The following ASB6 variants were observed in gnomAD, a reference collection of about 807,000 sequenced individuals.
The protein encoded by ASB6 is ankyrin repeat and SOCS box containing 6.
ASB6 carries 24 observed loss-of-function variants against 28.6 expected under a neutral mutation model. The ratio of observed to expected loss-of-function variants is 0.84; its 90% CI spans 0.61 to 1.18. ASB6 has a LOEUF of 1.18. Ranked by LOEUF, ASB6 falls within the 50% of genes most tolerant of loss-of-function variation. ASB6 has a pLI of 0.00. For missense variants in ASB6, 519 were observed against 559.8 expected (o/e 0.93, Z 0.74); for synonymous variants, 267 against 243.4 (o/e 1.10, Z -0.90).
intron 2 of ASB6, among the ~76,000 whole-genome samples, chr9:129,640,309 T>C (rs1831664381): frequency 6.6e-6 from 1 of 152,228 alleles, no homozygotes; most frequent in Non-Finnish European, 1.5e-5. Context: ...ATCAATCACA[T>C]GGTAGAAGCA....
rs1831514031 is a variant in ASB6, at chr9:129,635,719, C to T, written c.*2071G>A. The T allele has an allele frequency of 2.2e-6, 1 of 453,810 alleles. No individual in the cohort carries two copies. The highest frequency in any genetic ancestry group is 3.9e-6 in the Non-Finnish European group (1 of 253,272). 28.1% of individuals were successfully genotyped at this position (453,810 alleles called of 1,614,324 possible). ...GCGAGATGGGATTGGGTGGAAGGGG[C>T]TCCAGGGCTCCTGGTGCTCCCCATG... On this transcript the variant is annotated 3_prime_UTR_variant, in exon 6 of 6. Transcript: ENST00000277458.
At position 129,637,301 on chromosome 9, in the gene ASB6, C is replaced by T. The variant is rs1588148801; in HGVS notation, c.*489G>A. On this transcript the variant is annotated 3_prime_UTR_variant, in exon 6 of 6. Transcript: ENST00000277458. Reference sequence around the variant, plus strand: ...GTGGGGCCCTTAGTGTCTTCTCCCGCAGAGCCCACCAGAAACACTTCTGTG... The same window carrying T: ...GTGGGGCCCTTAGTGTCTTCTCCCGTAGAGCCCACCAGAAACACTTCTGTG... 6.5e-6 allele frequency: 1 copy of T among 152,716 alleles called. No homozygotes were observed. Among genetic ancestry groups the T allele is most frequent in the East Asian group, 1.9e-4 (1 of 5,182 alleles). The allele number at this position is 152,716 out of a possible 1,614,324, so 9.5% of individuals were successfully genotyped here.
rs1313750557 is a variant in ASB6 at position 129,637,026 on chromosome 9, G to GCA, written c.*762_*763dup. 2 of 152,240 alleles carry GCA rather than the reference G, an allele frequency of 1.3e-5. No individual in the cohort carries two copies. Among genetic ancestry groups the GCA allele is most frequent in the Non-Finnish European group, 2.9e-5 (2 of 68,066 alleles). The allele number at this position is 152,240 out of a possible 1,614,324, so 9.4% of individuals were successfully genotyped here. On this transcript the variant is annotated 3_prime_UTR_variant, in exon 6 of 6. Transcript: ENST00000277458. ...AGGGACTGAGGCTCGCAAGTGGGTG[G>GCA]CACAGTCGGCTCTTCAGTGGCTCCA...
rs772553176 is a variant in ASB6, at chr9:129,635,363, C to T, written c.*2427G>A. ...CGTGTGCCGGGACCTTGACGTGGTC[C>T]GCAGGATCATCTGCAGTGCAGGCCT... On this transcript the variant is annotated 3_prime_UTR_variant, in exon 6 of 6. Transcript: ENST00000277458. 1.1e-5 allele frequency: 17 copies of T among 1,613,810 alleles called. No individual in the cohort carries two copies. The highest frequency in any genetic ancestry group is 2.2e-5 in the East Asian group (1 of 44,878).
Position 129,634,657 on chromosome 9 carries a change from C to G in ASB6, c.*3133G>C, listed in dbSNP as rs950943550. The G allele has an allele frequency of 4.0e-6, 1 of 251,400 alleles. No individual in the cohort carries two copies. Among genetic ancestry groups the G allele is most frequent in the Non-Finnish European group, 7.7e-6 (1 of 130,236 alleles). The allele number at this position is 251,400 out of a possible 1,614,324, so 15.6% of individuals were successfully genotyped here. On this transcript the variant is annotated 3_prime_UTR_variant, in exon 6 of 6. Transcript: ENST00000277458. Reference sequence around the variant, plus strand: ...AAGATGAATAGTTTAAGCTTCGTGTCTAGCCCTGCACCCTCTTAGCCTAAC... The same window carrying G: ...AAGATGAATAGTTTAAGCTTCGTGTGTAGCCCTGCACCCTCTTAGCCTAAC...
Position 129,635,165 on chromosome 9 carries a change from C to G in ASB6, c.*2625G>C. 1 of 1,581,398 alleles carries G rather than the reference C, an allele frequency of 6.3e-7. No individual in the cohort carries two copies. The highest frequency in any genetic ancestry group is 8.6e-7 in the Non-Finnish European group (1 of 1,167,810). On this transcript the variant is annotated 3_prime_UTR_variant, in exon 6 of 6. Transcript: ENST00000277458. ...GTACATCCCATCCAGTGCCGACATC[C>G]GCTTGCATGGTGCCCTGGTAACCTT...
intron 3 of ASB6, 45 bp from the exon 4 acceptor site, chr9:129,639,355 G>A: frequency 6.2e-7 from 1 of 1,603,034 alleles, no homozygotes; most frequent in South Asian, 1.1e-5. Flanking sequence ...AAGCTGCTCA[G>A]GCCCCTGCCC....
In ASB6 at chr9:129,634,832, A is replaced by C; in HGVS notation, c.*2958T>G. 7.7e-6 allele frequency: 2 copies of C among 259,402 alleles called. No homozygotes were observed. The highest frequency in any genetic ancestry group is 4.9e-5 in the South Asian group (1 of 20,552). 16.1% of individuals were successfully genotyped at this position (259,402 alleles called of 1,614,324 possible). On this transcript the variant is annotated 3_prime_UTR_variant, in exon 6 of 6. Transcript: ENST00000277458. ...TGTGGTCTCAGAAGCCTTTGTGGGG[A>C]CTTCTAGTGTAGGGAAGGCAGTCTC...
intron 2 of ASB6, among the ~76,000 whole-genome samples, chr9:129,640,242 C>T (rs879623664): frequency 6.6e-6 from 1 of 152,058 alleles, no homozygotes; most frequent in Non-Finnish European, 1.5e-5. Context: ...TGCCAGCAGC[C>T]GCATTTTTGC....
rs774643625 is a variant in ASB6, at chr9:129,637,715, C to G, written c.*75G>C. ...TCTCCCAGATCAAAAAGACCCTCTT[C>G]TAATGCTGTCCCAGCATCTACCAAC... is the stretch of plus-strand genomic sequence containing the variant. On this transcript the variant is annotated 3_prime_UTR_variant, in exon 6 of 6. Transcript: ENST00000277458. 3.6e-6 allele frequency: 5 copies of G among 1,387,400 alleles called. No homozygotes were observed. Among genetic ancestry groups the G allele is most frequent in the East Asian group, 2.4e-5 (1 of 42,086 alleles). 85.9% of individuals were successfully genotyped at this position (1,387,400 alleles called of 1,614,324 possible).
rs1831661842 is a variant in ASB6 at position 129,640,185 on chromosome 9, C to A, written c.295+356G>T. ...CATGAGAAAAAAAAAAACAAATTGG[C>A]TCAGAGTAAGTAGCAGAAAATTACC... On this transcript the variant is annotated intron_variant, in intron 2 of 5. Transcript: ENST00000277458. 4.6e-5 allele frequency among the ~76,000 whole-genome samples: 7 copies of A among 152,086 alleles called. 1 individual carries two copies. In the South Asian group the frequency reaches 1.4e-3, roughly 31 times the overall value.
chr9:129,640,522 C>G lies in ASB6; in HGVS notation c.295+19G>C. 6.3e-7 allele frequency: 1 copy of G among 1,599,864 alleles called. No homozygotes were observed. The highest frequency in any genetic ancestry group is 2.2e-5 in the East Asian group (1 of 44,562). ...GGCCGCGTTTAAGCCACCTGCCCAC[C>G]CCCGGGGCTCTCGCTGACCTTCAAA... On this transcript the variant is annotated intron_variant, in intron 2 of 5. Coordinates refer to ENST00000277458, the MANE Select transcript of ASB6 (RefSeq NM_017873.4).
At position 129,638,228 on chromosome 9, in the gene ASB6, G is replaced by A. The variant is rs776563198; in HGVS notation, c.828C>T (p.Leu276=). The A allele has an allele frequency of 1.2e-6, 2 of 1,613,612 alleles. No homozygotes were observed. The highest frequency in any genetic ancestry group is 1.7e-6 in the Non-Finnish European group (2 of 1,179,956). ...CLKSFKLHFP[L]LRFLLESGAA... ...CTCCGGACTCCAGGAGGAAGCGCAG[G>A]AGAGGGAAGTGCAGTTTAAAGCTCT... Residue 276 remains leucine, a synonymous_variant, in exon 6 of 6, where the codon CTC becomes CTT. Transcript: ENST00000277458.
rs1334478170 is a variant in ASB6 at position 129,640,559 on chromosome 9, C to T, written c.277G>A (p.Ala93Thr). The T allele has an allele frequency of 5.0e-5, 80 of 1,610,838 alleles. No individual in the cohort carries two copies. The highest frequency in any genetic ancestry group is 6.7e-5 in the Non-Finnish European group (79 of 1,179,276). ...CGCTGACCTTCAAAGTTGAGATTGG[C>T]CCCATGCCGCAAGAGAACGTCGGCC... ...RAADVLLRHGANLNFEDPVTY... is the reference protein window; with the variant it reads ...RAADVLLRHGTNLNFEDPVTY... The change falls in exon 2 of 6, where the codon GCC becomes ACC. Residue 93 changes from alanine (A) to threonine (T), a missense_variant. Ala to Thr is a moderately conservative substitution (Grantham distance 58). Coordinates refer to ENST00000277458, the MANE Select transcript of ASB6 (RefSeq NM_017873.4).
chr9:129,642,068 G>A lies in ASB6; in HGVS notation c.-69C>T. 1 of 1,475,274 alleles carries A rather than the reference G, an allele frequency of 6.8e-7. No individual in the cohort carries two copies. Among genetic ancestry groups the A allele is most frequent in the Non-Finnish European group, 9.0e-7 (1 of 1,110,588 alleles). 91.4% of individuals were successfully genotyped at this position (1,475,274 alleles called of 1,614,324 possible). ...GGCCGAGATGCCCAGACGCCGACCG[G>A]AACGCTCCGGCGGCCGCGGACCCCA... On this transcript the variant is annotated 5_prime_UTR_variant, in exon 1 of 6. Transcript: ENST00000277458. This position sits in a 1 kb window ranked among gnomAD's most constrained non-coding sequence, Gnocchi z 4.3.
rs895296902 is a variant in ASB6, at chr9:129,634,874, A to G, written c.*2916T>C. ...GGCAGTCTCTCTGGGAGCTCCTGCAATGCCAAACTCTTAGCCCAGGTTCAC... is the reference window on the plus strand; with the variant it reads ...GGCAGTCTCTCTGGGAGCTCCTGCAGTGCCAAACTCTTAGCCCAGGTTCAC... On this transcript the variant is annotated 3_prime_UTR_variant, in exon 6 of 6. Transcript: ENST00000277458. 1 of 323,882 alleles carries G rather than the reference A, an allele frequency of 3.1e-6. No individual in the cohort carries two copies. Among genetic ancestry groups the G allele is most frequent in the Non-Finnish European group, 5.8e-6 (1 of 172,218 alleles). 20.1% of individuals were successfully genotyped at this position (323,882 alleles called of 1,614,324 possible). A position where few individuals can be genotyped will look rare whatever the true frequency, so the allele number is the denominator to read the frequency against.
Position 129,637,928 on chromosome 9 carries a change from C to T in ASB6, c.1128G>A (p.Lys376=), listed in dbSNP as rs1376411631. Residue 376 remains lysine, a synonymous_variant, in exon 6 of 6, where the codon AAG becomes AAA. Coordinates refer to ENST00000277458, the MANE Select transcript of ASB6 (RefSeq NM_017873.4). ...RQLESYPPPL[K]HLCRVAIRLY... ...GCCGGATGGCCACACGGCACAGGTG[C>T]TTGAGGGGCGGGGGATAGCTCTCCA... 1.3e-6 allele frequency: 2 copies of T among 1,592,168 alleles called. No individual in the cohort carries two copies. The highest frequency in any genetic ancestry group is 2.2e-5 in the East Asian group (1 of 44,674).
chr9:129,642,008 GC>G lies in ASB6; in HGVS notation c.-10del. 2 of 1,590,266 alleles carry G rather than the reference GC, an allele frequency of 1.3e-6. No homozygotes were observed. The highest frequency in any genetic ancestry group is 1.7e-6 in the Non-Finnish European group (2 of 1,169,402). The stretch of plus-strand genomic sequence containing the variant: ...CCGTGCAGGAACGGCATCGCCGCGG[GC>G]CCCGCGCAGCAGGGCCGTCGCGCTT... On this transcript the variant is annotated 5_prime_UTR_variant, in exon 1 of 6. Transcript: ENST00000277458. This position sits in a 1 kb window ranked among gnomAD's most constrained non-coding sequence, Gnocchi z 4.3.
chr9:129,640,840 T>C (rs1004665512), intron 1 of ASB6, 118 bp from the exon 2 acceptor site: 64 of 1,230,800 alleles, frequency 5.2e-5, no homozygotes, highest in Non-Finnish European at 7.1e-5. Flanking sequence ...CCTGGCTCTG[T>C]GGGTCACAGG....
Sources: gnomAD v4.1 joint callset for allele counts (sites outside exome capture counted in the v4.1 genomes callset) on GRCh38, gnomAD v4.1.1 for gene constraint, Gnocchi (gnomAD v3.1) non-coding constraint, MANE v1.5 for transcripts, NCBI Gene and HGNC (gene_info 2026-07-23, HGNC 2026-07-21) for gene names.